The following PARP4 variants were observed in gnomAD, a reference collection of about 807,000 sequenced individuals.
PARP4 encodes poly(ADP-ribose) polymerase family member 4.
In PARP4, 120 loss-of-function variants were observed where a neutral mutation model predicts 187.7. The observed-to-expected ratio is 0.64, with a 90% CI of 0.55 to 0.74. The LOEUF (loss-of-function observed/expected upper bound fraction) is 0.74. Among genes scored for constraint, PARP4 ranks in the 30% least tolerant of loss-of-function variants. The pLI, the probability that PARP4 is intolerant of heterozygous loss-of-function variation, is 0.00. For synonymous variants in PARP4, 654 were observed against 740.9 expected (o/e 0.88, Z 1.90); for missense variants, 1,836 against 2,070.5 (o/e 0.89, Z 2.20).
At chr13:24,453,560 G>A (rs777105860) in intron 23 of PARP4, 27 bp downstream of exon 23, 1 of 1,410,044 alleles carries the variant, frequency 7.1e-7, no homozygotes, top group Non-Finnish European at 1.0e-6. Flanking sequence ...AAAGACCCAG[G>A]AGATACAGGA....
At position 24,425,569 on chromosome 13, in the gene PARP4, GTA is replaced by G. The variant is rs545217953; in HGVS notation, c.4979+895_4979+896del. 4.8e-3 allele frequency among the ~76,000 whole-genome samples: 661 copies of G among 136,798 alleles called. 2 individuals carry two copies. Among genetic ancestry groups the G allele is most frequent in the African/African-American group, 9.9e-3 (350 of 35,492 alleles). 89.7% of individuals were successfully genotyped at this position (136,798 alleles called of 152,430 possible). On this transcript the variant is annotated intron_variant, in intron 33 of 33. Coordinates refer to ENST00000381989, the MANE Select transcript of PARP4 (RefSeq NM_006437.4). The stretch of plus-strand genomic sequence containing the variant: ...TGTGTGTGTGTGTGTGTGTGTGTGT[GTA>G]TATCTATATCTATATCTATATCTAT...
In PARP4 at chr13:24,452,436, G is replaced by C; in HGVS notation, c.2984C>G (p.Pro995Arg). The change falls in exon 24 of 34, where the codon CCG becomes CGG. Residue 995 changes from proline to arginine, a missense_variant. Physicochemically the swap from Pro to Arg is moderately radical, Grantham distance 103. This residue lies in a region of PARP4 where 1,147 missense variants were observed against 1,214.2 expected (regional missense o/e 0.94). Coordinates refer to ENST00000381989, the MANE Select transcript of PARP4 (RefSeq NM_006437.4). The stretch of plus-strand genomic sequence containing the variant: ...ACCGCAGGCGAATAACCTGGTGTGC[G>C]GGCGGCTCCTCTTCACGAGCTGTAA... ...LTLQLVKRSR[P>R]HTRLFACGIG... The C allele has an allele frequency of 6.2e-7, 1 of 1,613,748 alleles. No homozygotes were observed. The highest frequency in any genetic ancestry group is 8.5e-7 in the Non-Finnish European group (1 of 1,179,922).
At chr13:24,493,449 C>T in intron 8 of PARP4, 147 bp downstream of exon 8, 1 of 712,510 alleles carries the variant, frequency 1.4e-6, no homozygotes, top group Non-Finnish European at 2.2e-6. Context: ...TTAGTGGTCT[C>T]TTTCTTCAGT....
intron 17 of PARP4, among the ~76,000 whole-genome samples, chr13:24,467,800 A>G (rs1872547500): frequency 1.3e-5 from 2 of 152,218 alleles, no homozygotes; most frequent in South Asian, 4.1e-4. Context: ...TGTAAGTATT[A>G]AGGAGGAAAC....
At chr13:24,487,037 G>T (rs1002787827) in intron 10 of PARP4, among the ~76,000 whole-genome samples, 1 of 150,288 alleles carries the variant, frequency 6.7e-6, no homozygotes, top group African/African-American at 2.4e-5. Flanking sequence ...TGTGGTGGGC[G>T]GATCATGAGG....
intron 14 of PARP4, among the ~76,000 whole-genome samples, chr13:24,477,231 G>A (rs1232257126): frequency 6.6e-6 from 1 of 152,122 alleles, no homozygotes; most frequent in Non-Finnish European, 1.5e-5. Context: ...TGTAATCCCA[G>A]CATTTTGGGA....
intron 33 of PARP4, among the ~76,000 whole-genome samples, chr13:24,421,980 A>G (rs781652872): frequency 6.6e-6 from 1 of 152,228 alleles, no homozygotes; most frequent in African/African-American, 2.4e-5. Context: ...AACAAGGGGC[A>G]ACATATACCA....
At position 24,428,713 on chromosome 13, in the gene PARP4, T is replaced by TCTGC. The variant is rs200802175; in HGVS notation, c.4847-2119_4847-2116dup. On this transcript the variant is annotated intron_variant, in intron 32 of 33. Transcript: ENST00000381989. The stretch of plus-strand genomic sequence containing the variant: ...GTCTCGAAATCCTGAGCTCAAATGA[T>TCTGC]CTGCCCCCTTTGGCCTCCCAAAGTG... Among the ~76,000 whole-genome samples, 156 of 152,318 alleles carry TCTGC rather than the reference T, an allele frequency of 1.0e-3. No homozygotes were observed. In the East Asian group the frequency reaches 0.018, roughly 18 times the overall value.
At chr13:24,508,556 T>C (rs1229719248) in intron 1 of PARP4, among the ~76,000 whole-genome samples, 2 of 152,222 alleles carry the variant, frequency 1.3e-5, no homozygotes, top group Admixed American at 1.3e-4. Context: ...TTTTGTCACT[T>C]AGGCGGAAGT....
At chr13:24,460,374 G>A (rs1163607668) in intron 17 of PARP4, among the ~76,000 whole-genome samples, 3 of 152,212 alleles carry the variant, frequency 2.0e-5, no homozygotes, top group African/African-American at 7.2e-5. Context: ...CCCCTTGGCA[G>A]CGGAACTGGG....
chr13:24,473,865 G>A (rs1872844526), intron 15 of PARP4, among the ~76,000 whole-genome samples: 2 of 151,918 alleles, frequency 1.3e-5, no homozygotes, highest in African/African-American at 2.4e-5. Context: ...CTCCACAGCC[G>A]CTCCCTCCTG....
rs529706457 is a variant in PARP4, at chr13:24,420,955, G to C, written c.*164C>G. 4 of 771,356 alleles carry C rather than the reference G, an allele frequency of 5.2e-6. No individual in the cohort carries two copies. In the South Asian group the frequency reaches 1.9e-4, roughly 37 times the overall value. The allele number at this position is 771,356 out of a possible 1,614,324, so 47.8% of individuals were successfully genotyped here. A position where few individuals can be genotyped will look rare whatever the true frequency, so the allele number is the denominator to read the frequency against. Reference sequence around the variant, plus strand: ...ATATTTTAAGTTTCATTTTATTATTGCTTGTTAGTTGATTAAAGTAATTCT... The same window carrying C: ...ATATTTTAAGTTTCATTTTATTATTCCTTGTTAGTTGATTAAAGTAATTCT... On this transcript the variant is annotated 3_prime_UTR_variant, in exon 34 of 34. Coordinates refer to ENST00000381989, the MANE Select transcript of PARP4 (RefSeq NM_006437.4).
At chr13:24,480,357 TTAA>T (rs1449858979) in intron 12 of PARP4, among the ~76,000 whole-genome samples, 1 of 152,188 alleles carries the variant, frequency 6.6e-6, no homozygotes, top group Non-Finnish European at 1.5e-5. Context: ...ATTAGGCCAA[TTAA>T]TAATAACCCT....
chr13:24,445,180 C>T (rs6490934), intron 27 of PARP4, among the ~76,000 whole-genome samples: 133,652 of 152,100 alleles, frequency 0.88, 59,706 homozygotes, highest in East Asian at 0.98. Context: ...CTGCATGTCT[C>T]TTCCCCTGTT....
At chr13:24,425,232 C>A (rs368868767) in intron 33 of PARP4, among the ~76,000 whole-genome samples, 1 of 146,926 alleles carries the variant, frequency 6.8e-6, no homozygotes, top group African/African-American at 2.7e-5. Flanking sequence ...GCCCAGGAGG[C>A]GGAGGTTGCA....
chr13:24,504,253 T>C (rs1363082472), intron 1 of PARP4, among the ~76,000 whole-genome samples: 1 of 151,982 alleles, frequency 6.6e-6, no homozygotes, highest in African/African-American at 2.4e-5. Context: ...TACAACTATG[T>C]TTAAATGGAA....
chr13:24,447,159 A>G lies in PARP4; in HGVS notation c.3142T>C (p.Ser1048Pro). The G allele has an allele frequency of 1.9e-6, 3 of 1,610,860 alleles. No individual in the cohort carries two copies. Among genetic ancestry groups the G allele is most frequent in the Non-Finnish European group, 2.5e-6 (3 of 1,178,734 alleles). The change falls in exon 26 of 34, where the codon TCT becomes CCT. Residue 1048 changes from serine (S) to proline (P), a missense_variant. This residue lies in a region of PARP4 where 56 missense variants were observed against 103.7 expected (regional missense o/e 0.54). Transcript: ENST00000381989. ...ACGGAGACAGAGTGGCAACTCGGAG[A>G]ACATAGCCTGGTCATTTGGTCTTCT... The part of the protein sequence containing the change: ...QIEDQMTRLC[S>P]PSCHSVSVKW...
chr13:24,473,368 T>C (rs1364442016), intron 15 of PARP4, among the ~76,000 whole-genome samples: 1 of 152,216 alleles, frequency 6.6e-6, no homozygotes, highest in Admixed American at 6.5e-5. Context: ...ACATGTTTGT[T>C]ACAAAGAAAT....
At chr13:24,449,400 A>G (rs961066374) in intron 25 of PARP4, among the ~76,000 whole-genome samples, 6 of 152,160 alleles carry the variant, frequency 3.9e-5, no homozygotes, top group Non-Finnish European at 8.8e-5. Flanking sequence ...AAAAAAAAAA[A>G]AAAAAAAAAT....
Sources: gnomAD v4.1 joint callset for allele counts (sites outside exome capture counted in the v4.1 genomes callset) on GRCh38, gnomAD v4.1.1 for gene constraint, gnomAD v4.1.1 regional missense constraint, MANE v1.5 for transcripts, NCBI Gene and HGNC (gene_info 2026-07-23, HGNC 2026-07-21) for gene names.